Variants in UGDH observed in about 807,000 individuals in gnomAD.
UGDH encodes UDP-Glc dehydrogenase.
Under a neutral mutation model 50.6 loss-of-function variants are expected in UGDH, and 38 were observed. The ratio of observed to expected loss-of-function variants is 0.75; its 90% confidence interval spans 0.58 to 0.98. UGDH has a LOEUF of 0.98. UGDH is among the 50% of genes least tolerant of loss of function. The pLI is 0.00. For missense variants in UGDH, 465 were observed against 606.2 expected (o/e 0.77, Z 2.45); for synonymous variants, 168 against 199.9 (o/e 0.84, Z 1.35).
chr4:39,526,622 A>T (rs538760646), intron 1 of UGDH: 45 of 166,940 alleles, frequency 2.7e-4, no homozygotes, highest in Non-Finnish European at 5.3e-4. Flanking sequence ...TAACCCTACT[A>T]AGTTATCTTC....
intron 7 of UGDH, among the ~76,000 whole-genome samples, chr4:39,506,253 T>C (rs932864444): frequency 6.5e-5 from 6 of 92,232 alleles, no homozygotes; most frequent in East Asian, 5.3e-4. Flanking sequence ...AAAAAAGCCA[T>C]TCTAAAAATT....
intron 3 of UGDH, among the ~76,000 whole-genome samples, chr4:39,511,155 G>A (rs1030482859): frequency 2.0e-5 from 3 of 151,954 alleles, no homozygotes; most frequent in South Asian, 2.1e-4. Context: ...TGAATGAGAC[G>A]GTTATCCTAA....
chr4:39,501,259 C>T (rs1745798801), intron 11 of UGDH, among the ~76,000 whole-genome samples: 1 of 147,426 alleles, frequency 6.8e-6, no homozygotes, highest in African/African-American at 2.5e-5. Flanking sequence ...AGCCACTGTG[C>T]CCTGCCAACA....
intron 2 of UGDH, among the ~76,000 whole-genome samples, chr4:39,517,508 C>T (rs1005619488): frequency 2.6e-5 from 4 of 152,240 alleles, no homozygotes; most frequent in Admixed American, 1.3e-4. Context: ...CCACACCCGG[C>T]CTAAACTGTA....
rs1746166991 is a variant in UGDH, at chr4:39,509,835, C to T, written c.736G>A (p.Ala246Thr). 2.5e-6 allele frequency: 4 copies of T among 1,613,364 alleles called. No homozygotes were observed. The highest frequency in any genetic ancestry group is 2.2e-5 in the East Asian group (1 of 44,866). Residue 246 changes from alanine to threonine, a missense_variant, in exon 6 of 12, where the codon GCT (alanine) becomes ACT (threonine). Coordinates refer to ENST00000316423, the MANE Select transcript of UGDH (RefSeq NM_003359.4). ...SISALCEATGADVEEVATAIG... is the reference protein window; with the variant it reads ...SISALCEATGTDVEEVATAIG... The stretch of plus-strand genomic sequence containing the variant: ...GCTGTTGCTACCTCTTCTACATCAG[C>T]TCCTGTTGCTTCACACAGAGCACTT...
intron 1 of UGDH, 140 bp downstream of exon 1, chr4:39,527,143 C>T (rs1746938079): frequency 7.8e-7 from 1 of 1,287,134 alleles, no homozygotes; most frequent in African/African-American, 1.5e-5. Flanking sequence ...AGACGAAGGT[C>T]GTGAGACGGG....
chr4:39,527,190 G>C (rs1313776613), intron 1 of UGDH, 93 bp downstream of exon 1: 3 of 1,190,356 alleles, frequency 2.5e-6, no homozygotes, highest in Non-Finnish European at 3.3e-6. Context: ...ACCGGGAGCA[G>C]CGCGCACACC....
Position 39,504,462 on chromosome 4 carries a change from A to G in UGDH, c.1218T>C (p.Asp406=). Residue 406 remains aspartate (D), a synonymous_variant, in exon 10 of 12, where the codon GAT becomes GAC. Transcript: ENST00000316423. ...TISKDPYEAC[D]GAHAVVICTE... The stretch of plus-strand genomic sequence containing the variant: ...TGCAAATAACAACAGCATGGGCACC[A>G]TCACATGCTTCATATGGATCCTTGG... 1.2e-6 allele frequency: 2 copies of G among 1,614,160 alleles called. No individual in the cohort carries two copies. Among genetic ancestry groups the G allele is most frequent in the Admixed American group, 1.7e-5 (1 of 60,016 alleles).
chr4:39,510,044 A>G, intron 5 of UGDH, 137 bp from the exon 6 acceptor site: 1 of 1,031,844 alleles, frequency 9.7e-7, no homozygotes, highest in South Asian at 1.8e-5. Context: ...TTGAGGAGAC[A>G]ATGGATGGGT....
At position 39,499,640 on chromosome 4, in the gene UGDH, T is replaced by TA. The variant is rs1745710409; in HGVS notation, c.*502dup. The stretch of plus-strand genomic sequence containing the variant: ...GAGCTAACAGTATTATAAAAATATG[T>TA]AAAAAAATTCTAGATTCATAATTAC... On this transcript the variant is annotated 3_prime_UTR_variant, in exon 12 of 12. Transcript: ENST00000316423. 2 of 152,170 alleles carry TA rather than the reference T, an allele frequency of 1.3e-5. No homozygotes were observed. The highest frequency in any genetic ancestry group is 1.5e-5 in the Non-Finnish European group (1 of 68,032). The allele number at this position is 152,170 out of a possible 1,614,324, so 9.4% of individuals were successfully genotyped here.
intron 11 of UGDH, among the ~76,000 whole-genome samples, chr4:39,503,204 C>G (rs184895841): frequency 6.6e-6 from 1 of 152,222 alleles, no homozygotes; most frequent in East Asian, 1.9e-4. Flanking sequence ...CGTGAGCCAC[C>G]GCGCCCAGCA....
At chr4:39,503,157 C>T (rs976236586) in intron 11 of UGDH, among the ~76,000 whole-genome samples, 1 of 152,084 alleles carries the variant, frequency 6.6e-6, no homozygotes, top group East Asian at 1.9e-4. Context: ...CCTTGTGATC[C>T]GCCCGCCTCA....
chr4:39,500,074 CAGAT>C lies in UGDH; in HGVS notation c.*65_*68del. ...ACTTGGTTCATTTACCATTTAATAG[CAGAT>C]AGATATTTGCTATCCTGAAGTACCA... On this transcript the variant is annotated 3_prime_UTR_variant, in exon 12 of 12. Transcript: ENST00000316423. 1 of 870,314 alleles carries C rather than the reference CAGAT, an allele frequency of 1.1e-6. No homozygotes were observed. The highest frequency in any genetic ancestry group is 1.8e-6 in the Non-Finnish European group (1 of 564,906). The allele number at this position is 870,314 out of a possible 1,614,324, so 53.9% of individuals were successfully genotyped here.
chr4:39,509,982 TGC>T, intron 5 of UGDH, 75 bp from the exon 6 acceptor site: 2 of 1,466,816 alleles, frequency 1.4e-6, no homozygotes, highest in Non-Finnish European at 1.8e-6. Context: ...TATATTTCAT[TGC>T]GTTGACGCAA....
chr4:39,510,569 G>T lies in UGDH; in HGVS notation c.466-19C>A. ...ACAGCACCTAGAATCCCAATGCAAAGGAAAGTTTTAAGCTAGAATTAATTA... is the reference window on the plus strand; with the variant it reads ...ACAGCACCTAGAATCCCAATGCAAATGAAAGTTTTAAGCTAGAATTAATTA... On this transcript the variant is annotated intron_variant, in intron 4 of 11. Coordinates refer to ENST00000316423, the MANE Select transcript of UGDH (RefSeq NM_003359.4). The T allele has an allele frequency of 6.2e-7, 1 of 1,614,008 alleles. No individual in the cohort carries two copies. The highest frequency in any genetic ancestry group is 8.5e-7 in the Non-Finnish European group (1 of 1,179,950).
chr4:39,506,267 A>G (rs1051793477), intron 7 of UGDH, among the ~76,000 whole-genome samples: 1 of 151,948 alleles, frequency 6.6e-6, no homozygotes, highest in South Asian at 2.1e-4. Context: ...AAAAATTTCT[A>G]ATTTCATTTG....
intron 2 of UGDH, among the ~76,000 whole-genome samples, chr4:39,514,737 C>T (rs1241451257): frequency 1.3e-5 from 2 of 151,920 alleles, no homozygotes; most frequent in African/African-American, 4.8e-5. Context: ...GGCTGGAGTG[C>T]AGTGGTATGA....
At chr4:39,518,648 A>AG (rs1035452156) in intron 2 of UGDH, among the ~76,000 whole-genome samples, 1 of 149,512 alleles carries the variant, frequency 6.7e-6, no homozygotes, top group African/African-American at 2.5e-5. Context: ...GAAAAGGAAC[A>AG]GGGGTCTTGC....
At chr4:39,527,175 G>C in intron 1 of UGDH, 108 bp downstream of exon 1, 4 of 1,234,642 alleles carry the variant, frequency 3.2e-6, no homozygotes, top group Non-Finnish European at 4.2e-6. Context: ...CCAGCGCAGC[G>C]AGCGACCGGG....
Sources: gnomAD v4.1 joint callset for allele counts (sites outside exome capture counted in the v4.1 genomes callset) on GRCh38, gnomAD v4.1.1 for gene constraint, MANE v1.5 for transcripts, NCBI Gene and HGNC (gene_info 2026-07-23, HGNC 2026-07-21) for gene names.